Variants in GARNL3 observed in about 807,000 individuals in gnomAD.
GARNL3 encodes GTPase-activating Rap/Ran-GAP domain-like protein 3.
GARNL3 carries 63 observed loss-of-function variants against 125.0 expected under a neutral mutation model. That is an observed-to-expected ratio of 0.50 (90% CI 0.41 to 0.62). The LOEUF (loss-of-function observed/expected upper bound fraction) is 0.62, where lower values mean the gene tolerates loss of function less well. Ranked by LOEUF, GARNL3 falls within the 20% of genes least tolerant of loss-of-function variation. The pLI is 0.00. For missense variants in GARNL3, 994 were observed against 1,244.0 expected, an observed-to-expected ratio of 0.80 and a Z score of 3.02; for synonymous variants, 439 against 457.5, an observed-to-expected ratio of 0.96 and a Z score of 0.52.
At chr9:127,309,280 T>C (rs72766233) in intron 2 of GARNL3, among the ~76,000 whole-genome samples, 5,054 of 152,282 alleles carry the variant, frequency 0.033, 116 homozygotes, top group Middle Eastern at 0.054. Context: ...TTGGGCAACA[T>C]GTTTAAACTC....
Position 127,254,385 on chromosome 9 carries a change from T to C in GARNL3, c.144-10567T>C, listed in dbSNP as rs138413255. On this transcript the variant is annotated intron_variant, in intron 2 of 10. Transcript: ENST00000439286. ...TTAGAATTTGAAAACTTATGCATGA[T>C]CAAAGATATCAGAAACAAAATTTAA... 4.9e-4 allele frequency among the ~76,000 whole-genome samples: 74 copies of C among 152,244 alleles called. 1 individual carries two copies. The East Asian group carries it at 0.014, about 28-fold the overall frequency.
intron 27 of GARNL3, 119 bp downstream of exon 27, chr9:127,390,886 G>A: frequency 9.6e-7 from 1 of 1,037,774 alleles, no homozygotes; most frequent in East Asian, 2.5e-5. Flanking sequence ...TACAGCAGAG[G>A]GCCAGCAGCC....
At chr9:127,259,819 T>C (rs1230519700), upstream of GARNL3, among the ~76,000 whole-genome samples, 2 of 151,972 alleles carry the variant, frequency 1.3e-5, no homozygotes, top group East Asian at 3.9e-4. Flanking sequence ...GAGGATCACT[T>C]GAGGCCAGAG....
intron 8 of GARNL3, among the ~76,000 whole-genome samples, chr9:127,332,711 G>A (rs191022089): frequency 1.1e-3 from 167 of 152,180 alleles, no homozygotes; most frequent in African/African-American, 3.8e-3. Context: ...AGCACTTTTC[G>A]TGTTAAATAC....
intron 2 of GARNL3, among the ~76,000 whole-genome samples, chr9:127,291,726 C>CTTTTTTT (rs142800268): frequency 3.4e-5 from 2 of 59,304 alleles, no homozygotes; most frequent in African/African-American, 1.4e-4. Context: ...ACTCACCTTG[C>CTTTTTTT]TTTTTTTTTT....
rs768637257 is a variant in GARNL3 at position 127,336,248 on chromosome 9, C to T, written c.982+12C>T. The T allele has an allele frequency of 3.2e-6, 5 of 1,577,400 alleles. No homozygotes were observed. Among genetic ancestry groups the T allele is most frequent in the Non-Finnish European group, 3.5e-6 (4 of 1,147,558 alleles). ...CTCCCACTTTACACGTATCCTGGGC[C>T]TTTGTAAATGCTCCAGTGTGGCAAG... On this transcript the variant is annotated intron_variant, in intron 11 of 27. Transcript: ENST00000373387.
chr9:127,365,559 A>G (rs1049197798), intron 22 of GARNL3, among the ~76,000 whole-genome samples, 193 bp downstream of exon 22: 1 of 152,154 alleles, frequency 6.6e-6, no homozygotes, highest in Non-Finnish European at 1.5e-5. Flanking sequence ...TTGGTGACAC[A>G]GTGCAAGAAC....
Position 127,266,853 on chromosome 9 carries a change from T to C in GARNL3, c.144+1832T>C, listed in dbSNP as rs150355770. Among the ~76,000 whole-genome samples, 98 of 152,218 alleles carry C rather than the reference T, an allele frequency of 6.4e-4. No homozygotes were observed. Among genetic ancestry groups the C allele is most frequent in the Non-Finnish European group, 9.6e-4 (65 of 68,010 alleles). On this transcript the variant is annotated intron_variant, in intron 1 of 27. Transcript: ENST00000373387. The surrounding 1 kb of genome is among the most constrained non-coding windows in gnomAD (Gnocchi z 4.0). ...ACAACATTACTTGGGGGAGATAACA[T>C]GGGTGTGAAAGATGGACTCTTTAAA... is the stretch of plus-strand genomic sequence containing the variant.
At chr9:127,301,272 A>C (rs541541470) in intron 2 of GARNL3, among the ~76,000 whole-genome samples, 1 of 152,176 alleles carries the variant, frequency 6.6e-6, no homozygotes, top group South Asian at 2.1e-4. Flanking sequence ...ACACAGCCAC[A>C]GAGTGGAGCA....
intron 1 of GARNL3, among the ~76,000 whole-genome samples, chr9:127,229,959 C>T (rs1262825480): frequency 6.6e-6 from 1 of 152,228 alleles, no homozygotes; most frequent in Non-Finnish European, 1.5e-5. Flanking sequence ...GCAGACACAG[C>T]AAACTGATGA....
At chr9:127,290,335 G>GT (rs1324119333) in intron 1 of GARNL3, among the ~76,000 whole-genome samples, 3 of 152,014 alleles carry the variant, frequency 2.0e-5, no homozygotes, top group Non-Finnish European at 4.4e-5. Context: ...TAGTGAAAAC[G>GT]TGAGGTAACC....
At chr9:127,291,091 C>T in intron 1 of GARNL3, 77 bp from the exon 2 acceptor site, 1 of 1,456,194 alleles carries the variant, frequency 6.9e-7, no homozygotes, top group Non-Finnish European at 9.6e-7. Flanking sequence ...TTAGATGTGG[C>T]TTACTTATAG....
chr9:127,229,567 C>T (rs1009810642), intron 1 of GARNL3, among the ~76,000 whole-genome samples: 4 of 152,192 alleles, frequency 2.6e-5, no homozygotes, highest in Admixed American at 2.6e-4. Context: ...ATAATCATAG[C>T]TCACTGCATC....
At chr9:127,358,162 A>G (rs1396289352) in intron 21 of GARNL3, among the ~76,000 whole-genome samples, 1 of 152,232 alleles carries the variant, frequency 6.6e-6, no homozygotes, top group Non-Finnish European at 1.5e-5. Context: ...CTTGGCGCCC[A>G]CTGGACAGTG....
At chr9:127,365,473 T>C in intron 22 of GARNL3, 107 bp downstream of exon 22, 1 of 928,918 alleles carries the variant, frequency 1.1e-6, no homozygotes. Context: ...GTATCATTCC[T>C]GGGTTTGTAA....
At chr9:127,263,104 A>G (rs892410453), upstream of GARNL3, among the ~76,000 whole-genome samples, 1 of 152,234 alleles carries the variant, frequency 6.6e-6, no homozygotes, top group African/African-American at 2.4e-5. Context: ...CATTCTCTTT[A>G]TAGCTTGCTC....
At chr9:127,297,220 C>G (rs1473827912) in intron 2 of GARNL3, among the ~76,000 whole-genome samples, 4 of 152,134 alleles carry the variant, frequency 2.6e-5, no homozygotes, top group Non-Finnish European at 5.9e-5. Flanking sequence ...CTCAATGAAG[C>G]CTCGACCTCC....
intron 17 of GARNL3, among the ~76,000 whole-genome samples, chr9:127,352,381 G>A (rs1485939579): frequency 6.6e-6 from 1 of 152,132 alleles, no homozygotes; most frequent in African/African-American, 2.4e-5. Flanking sequence ...CTTAGTATAT[G>A]TTACCTGTCC....
At chr9:127,378,921 C>T (rs1832091724) in intron 22 of GARNL3, among the ~76,000 whole-genome samples, 1 of 152,064 alleles carries the variant, frequency 6.6e-6, no homozygotes, top group Non-Finnish European at 1.5e-5. Context: ...GATTACAGGT[C>T]CCCACCACTA....
Sources: allele counts gnomAD v4.1 joint callset (sites outside exome capture counted in the v4.1 genomes callset), GRCh38; gene constraint gnomAD v4.1.1; non-coding constraint Gnocchi (gnomAD v3.1); transcripts MANE v1.5; gene names NCBI Gene and HGNC (gene_info 2026-07-23, HGNC 2026-07-21).